The following ARHGAP24 variants were observed in gnomAD, a reference collection of about 807,000 sequenced individuals.
ARHGAP24 encodes rho GTPase-activating protein 24.
ARHGAP24 carries 50 observed loss-of-function variants against 76.4 expected under a neutral mutation model. The observed-to-expected ratio is 0.65, with a 90% confidence interval of 0.52 to 0.83. The LOEUF (loss-of-function observed/expected upper bound fraction) is 0.83, where lower values mean the gene tolerates loss of function less well. ARHGAP24 is among the 40% of genes least tolerant of loss of function. ARHGAP24 has a pLI of 0.00. For missense variants in ARHGAP24, 930 were observed against 914.2 expected (o/e 1.02, Z -0.22); for synonymous variants, 345 against 323.3 (o/e 1.07, Z -0.72).
intron 3 of ARHGAP24, among the ~76,000 whole-genome samples, chr4:85,914,622 C>G (rs958764013): frequency 6.6e-6 from 1 of 152,190 alleles, no homozygotes; most frequent in Non-Finnish European, 1.5e-5. Context: ...CCTTTATCAA[C>G]TTATTGAGAC....
At chr4:85,873,615 C>A (rs553476932) in intron 3 of ARHGAP24, among the ~76,000 whole-genome samples, 2 of 152,326 alleles carry the variant, frequency 1.3e-5, no homozygotes, top group African/African-American at 4.8e-5. Flanking sequence ...TCAGAATGGG[C>A]AACCCCGTTC....
At chr4:85,874,855 A>C in intron 3 of ARHGAP24, among the ~76,000 whole-genome samples, 1 of 111,048 alleles carries the variant, frequency 9.0e-6, no homozygotes, top group Non-Finnish European at 1.7e-5. Flanking sequence ...TATAATTTAT[A>C]TATAAATATA....
chr4:85,751,219 T>A (rs1022551952), intron 3 of ARHGAP24, among the ~76,000 whole-genome samples: 21 of 152,252 alleles, frequency 1.4e-4, no homozygotes, highest in Admixed American at 3.9e-4. Flanking sequence ...GATATCTTTT[T>A]ATATCAGCAA....
chr4:85,701,964 A>G (rs1724105874), intron 2 of ARHGAP24, among the ~76,000 whole-genome samples: 1 of 152,120 alleles, frequency 6.6e-6, no homozygotes, highest in Admixed American at 6.5e-5. Flanking sequence ...CAAAATAACC[A>G]GAGATTTGGA....
intron 3 of ARHGAP24, among the ~76,000 whole-genome samples, chr4:85,815,174 C>T (rs1362184527): frequency 1.3e-5 from 2 of 152,120 alleles, no homozygotes; most frequent in Non-Finnish European, 2.9e-5. Flanking sequence ...GCCTCCAGGA[C>T]TGTGATGGGA....
intron 1 of ARHGAP24, among the ~76,000 whole-genome samples, chr4:85,553,047 C>T (rs934893809): frequency 8.5e-5 from 13 of 152,092 alleles, no homozygotes; most frequent in Middle Eastern, 3.2e-3. Flanking sequence ...TTTGTTGTCT[C>T]ACTAGCTTCA....
chr4:85,661,736 G>C (rs4259055), intron 2 of ARHGAP24, among the ~76,000 whole-genome samples: 49,838 of 147,946 alleles, frequency 0.34, 9,102 homozygotes, highest in East Asian at 0.84. Context: ...TCTCATTGTT[G>C]AATTCCCACC....
chr4:85,888,820 A>G (rs908396436), intron 3 of ARHGAP24, among the ~76,000 whole-genome samples: 1 of 151,928 alleles, frequency 6.6e-6, no homozygotes, highest in African/African-American at 2.4e-5. Flanking sequence ...GTTCCACTCT[A>G]CGTGTCCATG....
At chr4:85,679,811 G>T (rs1388293473) in intron 2 of ARHGAP24, among the ~76,000 whole-genome samples, 1 of 152,112 alleles carries the variant, frequency 6.6e-6, no homozygotes, top group Non-Finnish European at 1.5e-5. Flanking sequence ...AGTCTCAATA[G>T]TGTCTGTCTC....
chr4:85,848,185 A>G (rs1730996134), intron 3 of ARHGAP24, among the ~76,000 whole-genome samples: 1 of 152,144 alleles, frequency 6.6e-6, no homozygotes, highest in South Asian at 2.1e-4. Context: ...ATTTAAATGA[A>G]TAGTATTTTT....
intron 2 of ARHGAP24, among the ~76,000 whole-genome samples, chr4:85,651,625 C>T (rs1721947169): frequency 6.7e-6 from 1 of 148,470 alleles, no homozygotes; most frequent in South Asian, 2.1e-4. Flanking sequence ...TATTAATACT[C>T]ACTTTTAGTC....
chr4:85,742,456 A>T (rs1192363021), intron 3 of ARHGAP24, among the ~76,000 whole-genome samples: 2 of 152,200 alleles, frequency 1.3e-5, no homozygotes, highest in Non-Finnish European at 2.9e-5. Flanking sequence ...TTTCTGAATA[A>T]CAGAATTACC....
At chr4:85,714,258 T>G (rs2110037037) in intron 2 of ARHGAP24, among the ~76,000 whole-genome samples, 1 of 152,274 alleles carries the variant, frequency 6.6e-6, no homozygotes, top group South Asian at 2.1e-4. Flanking sequence ...AAAAAGAAAG[T>G]GTTAAACGTT....
chr4:85,908,133 C>T (rs1734872578), intron 3 of ARHGAP24, among the ~76,000 whole-genome samples: 3 of 152,188 alleles, frequency 2.0e-5, no homozygotes, highest in African/African-American at 4.8e-5. Context: ...ACCATCTCAA[C>T]TTTGGGACTA....
intron 3 of ARHGAP24, among the ~76,000 whole-genome samples, chr4:85,860,959 C>T (rs1314855693): frequency 1.3e-5 from 2 of 151,566 alleles, no homozygotes; most frequent in African/African-American, 2.4e-5. Flanking sequence ...TTTAGATTTT[C>T]TCAGTCCCTT....
chr4:85,724,147 C>A (rs984394908), intron 3 of ARHGAP24, among the ~76,000 whole-genome samples: 4 of 152,076 alleles, frequency 2.6e-5, no homozygotes, highest in African/African-American at 9.7e-5. Context: ...GGCAGCAGAT[C>A]CTCATAAAGC....
At chr4:85,946,592 T>C (rs949055056) in intron 5 of ARHGAP24, among the ~76,000 whole-genome samples, 4 of 152,236 alleles carry the variant, frequency 2.6e-5, no homozygotes, top group African/African-American at 7.2e-5. Context: ...TTTGGTTTTC[T>C]GTTTCTTCGT....
chr4:85,734,657 T>TTC, intron 3 of ARHGAP24, among the ~76,000 whole-genome samples: 2 of 150,406 alleles, frequency 1.3e-5, no homozygotes, highest in South Asian at 4.2e-4. Flanking sequence ...TTTTTTTTTT[T>TTC]TTAGCAGCAA....
At chr4:85,783,659 C>G (rs1727666620) in intron 3 of ARHGAP24, among the ~76,000 whole-genome samples, 1 of 152,094 alleles carries the variant, frequency 6.6e-6, no homozygotes, top group African/African-American at 2.4e-5. Context: ...GTACCCCATT[C>G]TCTGAAAATC....
Sources: allele counts gnomAD v4.1 joint callset (sites outside exome capture counted in the v4.1 genomes callset), GRCh38; gene constraint gnomAD v4.1.1; transcripts MANE v1.5; gene names NCBI Gene and HGNC (gene_info 2026-07-23, HGNC 2026-07-21).